The following THSD7B variants were observed in gnomAD, a reference collection of about 807,000 sequenced individuals.
The protein encoded by THSD7B is thrombospondin type-1 domain-containing protein 7B.
Under a neutral mutation model 213.6 loss-of-function variants are expected in THSD7B, and 138 were observed. The observed-to-expected ratio is 0.65, with a 90% CI of 0.56 to 0.74. THSD7B has a LOEUF of 0.74. THSD7B is among the 30% of genes least tolerant of loss of function. The pLI is 0.00. For synonymous variants in THSD7B, 742 were observed against 687.0 expected, an observed-to-expected ratio of 1.08 and a Z score of -1.25; for missense variants, 1,931 against 1,991.5, an observed-to-expected ratio of 0.97 and a Z score of 0.58.
At chr2:137,431,417 C>T (rs1291807334) in intron 14 of THSD7B, among the ~76,000 whole-genome samples, 3 of 152,136 alleles carry the variant, frequency 2.0e-5, no homozygotes, top group Admixed American at 6.5e-5. Context: ...CTATTCAGAT[C>T]TTAGTTCATC....
intron 10 of THSD7B, among the ~76,000 whole-genome samples, chr2:137,267,351 A>G (rs1404271807): frequency 1.3e-5 from 2 of 152,152 alleles, no homozygotes; most frequent in Non-Finnish European, 2.9e-5. Flanking sequence ...TCATAGGCCT[A>G]ATGAGGTTGG....
chr2:136,879,829 A>G (rs951447112), intron 1 of THSD7B, among the ~76,000 whole-genome samples: 2 of 152,198 alleles, frequency 1.3e-5, no homozygotes, highest in Non-Finnish European at 2.9e-5. Flanking sequence ...GTCTCTGATA[A>G]AATAGACTTT....
At chr2:136,949,551 C>A (rs142993340) in intron 2 of THSD7B, among the ~76,000 whole-genome samples, 1 of 152,180 alleles carries the variant, frequency 6.6e-6, no homozygotes, top group Non-Finnish European at 1.5e-5. Context: ...GTGGTTGCTG[C>A]GCTGCCCTGT....
At chr2:137,388,174 A>G (rs967209009) in intron 12 of THSD7B, among the ~76,000 whole-genome samples, 6 of 152,114 alleles carry the variant, frequency 3.9e-5, no homozygotes, top group African/African-American at 7.2e-5. Context: ...TTCATTTTCA[A>G]TAGGCTTTTT....
chr2:136,887,345 T>C (rs1683737119), intron 2 of THSD7B, among the ~76,000 whole-genome samples: 2 of 150,318 alleles, frequency 1.3e-5, no homozygotes, highest in Admixed American at 1.3e-4. Flanking sequence ...GCTTTTAAAA[T>C]AGCCTTCAGT....
chr2:137,018,628 C>T (rs953822203), intron 2 of THSD7B, among the ~76,000 whole-genome samples: 1 of 152,006 alleles, frequency 6.6e-6, no homozygotes. Flanking sequence ...TTGTACAGTA[C>T]AAGACATCTG....
intron 1 of THSD7B, among the ~76,000 whole-genome samples, chr2:136,820,418 G>A (rs1682547429): frequency 6.6e-6 from 1 of 152,200 alleles, no homozygotes; most frequent in Admixed American, 6.5e-5. Flanking sequence ...AGGCACTGAG[G>A]ACATAGCATC....
chr2:137,154,987 T>A (rs1274179555), intron 5 of THSD7B, among the ~76,000 whole-genome samples: 1 of 152,230 alleles, frequency 6.6e-6, no homozygotes. Context: ...CTTTAACATT[T>A]CTTGTGAGAC....
chr2:137,164,991 C>A (rs1354795932), intron 6 of THSD7B, among the ~76,000 whole-genome samples: 2 of 151,914 alleles, frequency 1.3e-5, no homozygotes, highest in Non-Finnish European at 1.5e-5. Flanking sequence ...AACAAACCTG[C>A]AAGTTGTGTA....
intron 2 of THSD7B, among the ~76,000 whole-genome samples, chr2:136,895,514 CTTTTT>C (rs71301798): frequency 5.3e-4 from 39 of 73,924 alleles, no homozygotes; most frequent in African/African-American, 1.7e-3. Flanking sequence ...CAAGTGGAGA[CTTTTT>C]TTTTTTTTTT....
intron 15 of THSD7B, among the ~76,000 whole-genome samples, chr2:137,498,594 T>A (rs1364853727): frequency 1.3e-5 from 2 of 152,144 alleles, no homozygotes; most frequent in African/African-American, 2.4e-5. Flanking sequence ...GGGGGTATTT[T>A]TTTTTTATTG....
intron 17 of THSD7B, among the ~76,000 whole-genome samples, chr2:137,584,338 C>T (rs901741089): frequency 1.3e-5 from 2 of 152,196 alleles, no homozygotes; most frequent in Admixed American, 6.5e-5. Flanking sequence ...ATTTCTTTCT[C>T]CTGCCTGATT....
chr2:137,416,904 A>AT (rs1360112207), intron 14 of THSD7B, among the ~76,000 whole-genome samples: 1 of 152,174 alleles, frequency 6.6e-6, no homozygotes, highest in Non-Finnish European at 1.5e-5. Flanking sequence ...AGAAGGAATG[A>AT]TTTTTTCAAG....
intron 9 of THSD7B, among the ~76,000 whole-genome samples, chr2:137,238,325 G>T (rs999057522): frequency 6.6e-6 from 1 of 152,050 alleles, no homozygotes; most frequent in African/African-American, 2.4e-5. Flanking sequence ...CTCAAGTTGT[G>T]TTTTCATTCC....
chr2:136,967,380 T>C (rs1394764696), intron 2 of THSD7B, among the ~76,000 whole-genome samples: 1 of 152,200 alleles, frequency 6.6e-6, no homozygotes, highest in Non-Finnish European at 1.5e-5. Context: ...CTCCTCGTTC[T>C]ATTTGTTATT....
At chr2:137,020,430 T>C (rs1210429504) in intron 2 of THSD7B, among the ~76,000 whole-genome samples, 1 of 152,180 alleles carries the variant, frequency 6.6e-6, no homozygotes, top group East Asian at 1.9e-4. Flanking sequence ...TTGATTGTGC[T>C]TATTTTCTCC....
intron 15 of THSD7B, among the ~76,000 whole-genome samples, chr2:137,463,940 G>A (rs1199252725): frequency 6.6e-6 from 1 of 152,042 alleles, no homozygotes; most frequent in East Asian, 1.9e-4. Context: ...CTTAAAGTCT[G>A]CAATAGCTTA....
chr2:137,534,014 G>GCA (rs1680453116), intron 15 of THSD7B, among the ~76,000 whole-genome samples: 10 of 122,824 alleles, frequency 8.1e-5, no homozygotes, highest in East Asian at 4.2e-4. Flanking sequence ...GTGTGTGTGT[G>GCA]CGCGCACACA....
chr2:136,966,264 C>T (rs1685311857), intron 2 of THSD7B, among the ~76,000 whole-genome samples: 1 of 151,580 alleles, frequency 6.6e-6, no homozygotes, highest in African/African-American at 2.4e-5. Flanking sequence ...GTTGCCCAGG[C>T]TGAAGTACCG....
Sources: allele counts gnomAD v4.1 joint callset (sites outside exome capture counted in the v4.1 genomes callset), GRCh38; gene constraint gnomAD v4.1.1; transcripts MANE v1.5; gene names NCBI Gene and HGNC (gene_info 2026-07-23, HGNC 2026-07-21).